Variants in KLHL18 observed in about 807,000 individuals in gnomAD.
The protein encoded by KLHL18 is kelch like family member 18.
Under a neutral mutation model 58.5 loss-of-function variants are expected in KLHL18, and 38 were observed. The observed-to-expected ratio is 0.65, with a 90% CI of 0.50 to 0.85. The LOEUF is 0.85. Among genes scored for constraint, KLHL18 ranks in the 40% least tolerant of loss-of-function variants. KLHL18 has a pLI of 0.00. For missense variants in KLHL18, 624 were observed against 778.4 expected (o/e 0.80, Z 2.36); for synonymous variants, 303 against 301.9 (o/e 1.00, Z -0.04).
At chr3:47,299,926 T>A (rs904395457) in intron 1 of KLHL18, among the ~76,000 whole-genome samples, 1 of 151,270 alleles carries the variant, frequency 6.6e-6, no homozygotes, top group African/African-American at 2.4e-5. Flanking sequence ...GACTCAAGAC[T>A]GTAACATCAA....
At chr3:47,294,847 T>C (rs1314255762) in intron 1 of KLHL18, among the ~76,000 whole-genome samples, 4 of 152,180 alleles carry the variant, frequency 2.6e-5, no homozygotes, top group Non-Finnish European at 5.9e-5. Context: ...GCTTGCACTT[T>C]CCCCTTCGGT....
chr3:47,303,466 A>G (rs1703069942), intron 1 of KLHL18, among the ~76,000 whole-genome samples: 1 of 152,188 alleles, frequency 6.6e-6, no homozygotes, highest in Non-Finnish European at 1.5e-5. Flanking sequence ...CTTACTGGCA[A>G]GGTACTTCCT....
At chr3:47,313,228 T>TTTTTTG (rs1258012661) in intron 1 of KLHL18, among the ~76,000 whole-genome samples, 1 of 150,666 alleles carries the variant, frequency 6.6e-6, no homozygotes, top group Admixed American at 6.6e-5. Flanking sequence ...TTTTTTTTTT[T>TTTTTTG]TTTAATAGAG....
At chr3:47,289,746 C>G (rs1174403324) in intron 1 of KLHL18, among the ~76,000 whole-genome samples, 1 of 152,116 alleles carries the variant, frequency 6.6e-6, no homozygotes, top group Non-Finnish European at 1.5e-5. Flanking sequence ...AGTTGAACGA[C>G]TGCACTGCAG....
intron 1 of KLHL18, among the ~76,000 whole-genome samples, chr3:47,308,813 C>G (rs1271292124): frequency 3.3e-5 from 5 of 150,044 alleles, no homozygotes; most frequent in Non-Finnish European, 7.4e-5. Flanking sequence ...GGGTGTTTCT[C>G]GCAGAGGGGG....
At chr3:47,284,743 C>T (rs1247601942) in intron 1 of KLHL18, among the ~76,000 whole-genome samples, 1 of 152,218 alleles carries the variant, frequency 6.6e-6, no homozygotes, top group Non-Finnish European at 1.5e-5. Context: ...GCTTTGAAAG[C>T]AGAAGGATTT....
At chr3:47,285,558 GAA>G (rs879294096) in intron 1 of KLHL18, among the ~76,000 whole-genome samples, 2 of 137,382 alleles carry the variant, frequency 1.5e-5, no homozygotes, top group African/African-American at 2.7e-5. Context: ...CTCTATTGGG[GAA>G]AAAAAAAAAA....
rs1263118468 is a variant in KLHL18, at chr3:47,311,134, T to G, written c.130-8519T>G. 2.0e-5 allele frequency among the ~76,000 whole-genome samples: 3 copies of G among 152,026 alleles called. No individual in the cohort carries two copies. In the South Asian group the frequency reaches 6.2e-4, roughly 32 times the overall value. ...ATGCCATTCTCCTGCCTCAGCCTCC[T>G]GAGTAGCTGGGACTACAGGCGCCCA... On this transcript the variant is annotated intron_variant, in intron 1 of 9. Coordinates refer to ENST00000232766, the MANE Select transcript of KLHL18 (RefSeq NM_025010.5).
At chr3:47,309,383 G>C (rs537764803) in intron 1 of KLHL18, among the ~76,000 whole-genome samples, 2 of 151,686 alleles carry the variant, frequency 1.3e-5, no homozygotes. Flanking sequence ...CAGACGGGGC[G>C]GCCGGGCAGA....
At chr3:47,339,054 G>C (rs1704048491) in intron 7 of KLHL18, among the ~76,000 whole-genome samples, 3 of 152,162 alleles carry the variant, frequency 2.0e-5, no homozygotes, top group Admixed American at 6.5e-5. Flanking sequence ...AAGGAGTTGG[G>C]GAGTTGGGCT....
chr3:47,334,945 T>C lies in KLHL18; in HGVS notation c.898+126T>C. ...TGTCACCACCCTTGCCCCTCTTGAT[T>C]TTATACAATTGCTCTACAGTTAGAG... On this transcript the variant is annotated intron_variant, in intron 6 of 9. Coordinates refer to ENST00000232766, the MANE Select transcript of KLHL18 (RefSeq NM_025010.5). This position sits in a 1 kb window ranked among gnomAD's most constrained non-coding sequence, Gnocchi z 4.7. 1.1e-6 allele frequency: 1 copy of C among 919,956 alleles called. No homozygotes were observed. The highest frequency in any genetic ancestry group is 1.8e-5 in the South Asian group (1 of 56,108). 57.0% of individuals were successfully genotyped at this position (919,956 alleles called of 1,614,324 possible).
chr3:47,331,734 G>A lies in KLHL18; in HGVS notation c.601-1423G>A, dbSNP rs536753618. Among the ~76,000 whole-genome samples the A allele has an allele frequency of 2.8e-4, 41 of 148,808 alleles. 1 individual carries two copies. The highest frequency in any genetic ancestry group is 2.5e-3 in the Admixed American group (38 of 15,044). On this transcript the variant is annotated intron_variant, in intron 4 of 9. Coordinates refer to ENST00000232766, the MANE Select transcript of KLHL18 (RefSeq NM_025010.5). ...AGGCGTGAGCCACTGCGCCAGGCCC[G>A]ACCTTTTTTTTTTTTTTTTAAAGTG...
intron 9 of KLHL18, 48 bp downstream of exon 9, chr3:47,342,878 A>G: frequency 7.3e-7 from 1 of 1,374,540 alleles, no homozygotes; most frequent in Non-Finnish European, 1.0e-6. Flanking sequence ...TCTGTCTTTG[A>G]GATTTATTTT....
intron 1 of KLHL18, among the ~76,000 whole-genome samples, chr3:47,317,755 A>C (rs1451046677): frequency 6.6e-6 from 1 of 152,234 alleles, no homozygotes; most frequent in African/African-American, 2.4e-5. Flanking sequence ...TATTGGAAAG[A>C]TAGGGAGAGT....
At chr3:47,339,050 T>C (rs1206964541) in intron 7 of KLHL18, among the ~76,000 whole-genome samples, 1 of 151,872 alleles carries the variant, frequency 6.6e-6, no homozygotes, top group Non-Finnish European at 1.5e-5. Context: ...ATGTAAGGAG[T>C]TGGGGAGTTG....
At chr3:47,339,244 C>T (rs1356550523) in intron 7 of KLHL18, among the ~76,000 whole-genome samples, 1 of 151,982 alleles carries the variant, frequency 6.6e-6, no homozygotes, top group East Asian at 1.9e-4. Context: ...CCTGTAATGC[C>T]AGCACTTTGG....
At chr3:47,335,941 A>G (rs1703974409) in intron 6 of KLHL18, among the ~76,000 whole-genome samples, 1 of 152,236 alleles carries the variant, frequency 6.6e-6, no homozygotes. Flanking sequence ...TAAGTGCCCC[A>G]TAGCAGCATA....
At chr3:47,286,629 A>G (rs753819901) in intron 1 of KLHL18, among the ~76,000 whole-genome samples, 1 of 152,184 alleles carries the variant, frequency 6.6e-6, no homozygotes, top group Non-Finnish European at 1.5e-5. Flanking sequence ...CTGAAAACTC[A>G]TATTTCTGAC....
At chr3:47,306,862 A>G (rs1382207738) in intron 1 of KLHL18, among the ~76,000 whole-genome samples, 1 of 152,160 alleles carries the variant, frequency 6.6e-6, no homozygotes, top group Non-Finnish European at 1.5e-5. Flanking sequence ...TTGTGATGCT[A>G]GCATTCCCCT....
Sources: gnomAD v4.1 joint callset for allele counts (sites outside exome capture counted in the v4.1 genomes callset) on GRCh38, gnomAD v4.1.1 for gene constraint, Gnocchi (gnomAD v3.1) non-coding constraint, MANE v1.5 for transcripts, NCBI Gene and HGNC (gene_info 2026-07-23, HGNC 2026-07-21) for gene names.